OSBPL10: variants seen among roughly 807,000 people sequenced by gnomAD.
OSBPL10 encodes oxysterol-binding protein-related protein 10.
In OSBPL10, 49 loss-of-function variants were observed where a neutral mutation model predicts 81.7. That is an observed-to-expected ratio of 0.60 (90% CI 0.48 to 0.76). The LOEUF is 0.76. Among genes scored for constraint, OSBPL10 ranks in the 30% least tolerant of loss-of-function variants. OSBPL10 has a pLI of 0.00. For synonymous variants in OSBPL10, 419 were observed against 383.6 expected, an observed-to-expected ratio of 1.09 and a Z score of -1.08; for missense variants, 923 against 987.8, an observed-to-expected ratio of 0.93 and a Z score of 0.88.
chr3:31,820,600 A>G (rs549567403), intron 4 of OSBPL10, among the ~76,000 whole-genome samples: 62 of 147,504 alleles, frequency 4.2e-4, no homozygotes, highest in Admixed American at 3.5e-3. Context: ...ATCTCGGGAG[A>G]AAAAAAAAAA....
intron 4 of OSBPL10, chr3:31,794,444 G>A (rs1025136110): frequency 2.3e-5 from 4 of 173,400 alleles, no homozygotes; most frequent in South Asian, 1.5e-4. Context: ...GTGAGCCACC[G>A]CTCCCGGCCT....
intron 4 of OSBPL10, among the ~76,000 whole-genome samples, chr3:31,784,293 C>T (rs1220080982): frequency 7.3e-5 from 11 of 151,088 alleles, no homozygotes; most frequent in African/African-American, 2.7e-4. Context: ...ACTCAGGAGG[C>T]GGAGGTTGCA....
At chr3:31,684,206 A>G in intron 7 of OSBPL10, 92 bp from the exon 8 acceptor site, 2 of 1,492,142 alleles carry the variant, frequency 1.3e-6, no homozygotes, top group Non-Finnish European at 1.8e-6. Context: ...TGTTAAGCAA[A>G]TTCATAACAT....
chr3:31,719,784 A>C (rs1021963483), intron 6 of OSBPL10, among the ~76,000 whole-genome samples: 3 of 152,120 alleles, frequency 2.0e-5, no homozygotes, highest in East Asian at 3.8e-4. Context: ...ACAATTTATA[A>C]TAATGAAAAA....
chr3:31,812,841 A>G (rs1559476602), intron 4 of OSBPL10, among the ~76,000 whole-genome samples: 1 of 141,550 alleles, frequency 7.1e-6, no homozygotes, highest in Non-Finnish European at 1.6e-5. Context: ...AGAAAGAAAG[A>G]AAGAACGAAC....
intron 4 of OSBPL10, among the ~76,000 whole-genome samples, chr3:31,789,616 C>T (rs1378576071): frequency 6.6e-6 from 1 of 152,080 alleles, no homozygotes; most frequent in East Asian, 1.9e-4. Flanking sequence ...GGCACTGCCT[C>T]AAGAAAGATA....
chr3:32,053,876 A>G lies in OSBPL10; in HGVS notation n.186-7273T>C, dbSNP rs1040992715. Among the ~76,000 whole-genome samples the G allele has an allele frequency of 1.4e-4, 21 of 152,284 alleles. No homozygotes were observed. In the East Asian group the frequency reaches 4.1e-3, roughly 29 times the overall value. On this transcript the variant is annotated intron_variant and non_coding_transcript_variant, in intron 1 of 3. Transcript: ENST00000479173. ...GTAATCTCAAGGCTGAGGCAAGAGAATCACTTGAACACGGGAGGCAGACAG... is the reference window on the plus strand; with the variant it reads ...GTAATCTCAAGGCTGAGGCAAGAGAGTCACTTGAACACGGGAGGCAGACAG...
chr3:32,044,194 A>C (rs1699602534), intron 2 of OSBPL10, among the ~76,000 whole-genome samples: 1 of 152,116 alleles, frequency 6.6e-6, no homozygotes, highest in African/African-American at 2.4e-5. Flanking sequence ...TCACCCTGTA[A>C]AGTCAATATA....
intron 4 of OSBPL10, among the ~76,000 whole-genome samples, chr3:31,753,246 A>G (rs1697775110): frequency 6.7e-6 from 1 of 149,324 alleles, no homozygotes; most frequent in Admixed American, 6.7e-5. Context: ...GGAGTACAAT[A>G]GCTTGACCTC....
intron 1 of OSBPL10, among the ~76,000 whole-genome samples, chr3:31,880,543 C>G (rs1695538732): frequency 6.6e-6 from 1 of 152,206 alleles, no homozygotes; most frequent in Non-Finnish European, 1.5e-5. Flanking sequence ...AGGAAGTAGT[C>G]AAGACAATTT....
At chr3:31,669,787 C>T (rs1297958478) in intron 9 of OSBPL10, among the ~76,000 whole-genome samples, 1 of 152,144 alleles carries the variant, frequency 6.6e-6, no homozygotes, top group Non-Finnish European at 1.5e-5. Context: ...TCTAAACTCC[C>T]CTTTTCCTTA....
chr3:31,780,567 T>C (rs2125768520), intron 4 of OSBPL10, among the ~76,000 whole-genome samples: 1 of 150,728 alleles, frequency 6.6e-6, no homozygotes, highest in South Asian at 2.1e-4. Context: ...AGTAGCAAGA[T>C]TAACCAAGAA....
At chr3:31,712,845 T>C (rs923778322) in intron 6 of OSBPL10, among the ~76,000 whole-genome samples, 2 of 152,236 alleles carry the variant, frequency 1.3e-5, no homozygotes, top group Non-Finnish European at 2.9e-5. Context: ...AATATGATCC[T>C]CCTCATCTCA....
chr3:31,841,116 C>A (rs1055675703), intron 3 of OSBPL10, among the ~76,000 whole-genome samples: 6 of 152,198 alleles, frequency 3.9e-5, no homozygotes, highest in African/African-American at 1.4e-4. Flanking sequence ...CCATGTTGGT[C>A]AGGCTGGTCT....
chr3:31,853,379 A>G (rs936648473), intron 3 of OSBPL10, among the ~76,000 whole-genome samples: 1 of 152,160 alleles, frequency 6.6e-6, no homozygotes, highest in African/African-American at 2.4e-5. Context: ...GGGGTCTGTG[A>G]AGGGCTGGAA....
chr3:31,732,226 A>G lies in OSBPL10; in HGVS notation c.1095+1031T>C, dbSNP rs183521833. Among the ~76,000 whole-genome samples, 365 of 152,290 alleles carry G rather than the reference A, an allele frequency of 2.4e-3. 5 individuals are homozygous for G. The highest frequency in any genetic ancestry group is 6.6e-4 in the Non-Finnish European group (45 of 68,024). On this transcript the variant is annotated intron_variant, in intron 6 of 11. Transcript: ENST00000396556. ...AAAATCCACAGCCACTATTCACTTCACACCCTTCTAACACCCCTTAAAGAT... is the reference window on the plus strand; with the variant it reads ...AAAATCCACAGCCACTATTCACTTCGCACCCTTCTAACACCCCTTAAAGAT...
At chr3:31,849,557 C>T (rs533567682) in intron 3 of OSBPL10, among the ~76,000 whole-genome samples, 1 of 152,224 alleles carries the variant, frequency 6.6e-6, no homozygotes, top group African/African-American at 2.4e-5. Context: ...CATACCATAA[C>T]AAGGCCTTTC....
At chr3:32,015,690 C>T (rs1699306779) in intron 2 of OSBPL10, among the ~76,000 whole-genome samples, 1 of 151,974 alleles carries the variant, frequency 6.6e-6, no homozygotes, top group Non-Finnish European at 1.5e-5. Context: ...AAAATGTTTG[C>T]AATCTACTCA....
chr3:31,970,442 T>C (rs1698527421), intron 1 of OSBPL10, among the ~76,000 whole-genome samples: 1 of 152,160 alleles, frequency 6.6e-6, no homozygotes, highest in Non-Finnish European at 1.5e-5. Flanking sequence ...AAGGAAAAGG[T>C]AAGAAGAGTA....
Sources: gnomAD v4.1 joint callset for allele counts (sites outside exome capture counted in the v4.1 genomes callset) on GRCh38, gnomAD v4.1.1 for gene constraint, MANE v1.5 for transcripts, NCBI Gene and HGNC (gene_info 2026-07-23, HGNC 2026-07-21) for gene names.